Variants in KIF21A observed in about 807,000 individuals in gnomAD.
KIF21A encodes kinesin family member 21A.
In KIF21A, 114 loss-of-function variants were observed where a neutral mutation model predicts 202.9. The observed-to-expected ratio is 0.56, with a 90% CI of 0.48 to 0.66. The LOEUF is 0.66. KIF21A is among the 30% of genes least tolerant of loss of function. The probability of loss-of-function intolerance (pLI) is 0.00; values close to 1 mark genes in which losing one functional copy is unlikely to be tolerated. For synonymous variants in KIF21A, 667 were observed against 670.8 expected (o/e 0.99, Z 0.09); for missense variants, 1,677 against 1,994.9 (o/e 0.84, Z 3.04).
At chr12:39,323,868 T>A (rs1415181478) in intron 26 of KIF21A, among the ~76,000 whole-genome samples, 1 of 152,104 alleles carries the variant, frequency 6.6e-6, no homozygotes, top group Non-Finnish European at 1.5e-5. Context: ...CCCAGCACTT[T>A]GGGAGGCCGA....
chr12:39,335,872 G>C (rs1163662040), intron 17 of KIF21A, among the ~76,000 whole-genome samples: 1 of 152,140 alleles, frequency 6.6e-6, no homozygotes, highest in Non-Finnish European at 1.5e-5. Context: ...AACCAAAATA[G>C]GGGAGTCATC....
Position 39,311,505 on chromosome 12 carries a change from T to C in KIF21A, c.4008A>G (p.Pro1336=), listed in dbSNP as rs779657868. Residue 1336 remains proline (P), a synonymous_variant, in exon 32 of 38, where the codon CCA becomes CCG. Transcript: ENST00000361418. ...FPASKGIRAF[P]LQCIHIAEGH... is the part of the protein sequence containing the mutation. ...CTTCAGCTATGTGAATACACTGAAG[T>C]GGAAAAGCTCTGATTCCTTTTGAAG... is the stretch of plus-strand genomic sequence containing the variant. The C allele has an allele frequency of 6.2e-7, 1 of 1,613,176 alleles. No homozygotes were observed. The highest frequency in any genetic ancestry group is 8.5e-7 in the Non-Finnish European group (1 of 1,179,276).
chr12:39,370,283 G>GA, intron 1 of KIF21A, 22 bp from the exon 2 acceptor site: 5 of 1,540,326 alleles, frequency 3.2e-6, no homozygotes, highest in Non-Finnish European at 4.4e-6. Context: ...AATCAGAAAA[G>GA]AAAAAAATAA....
intron 7 of KIF21A, 74 bp from the exon 8 acceptor site, chr12:39,358,447 C>T (rs1592319675): frequency 3.7e-6 from 5 of 1,351,496 alleles, no homozygotes; most frequent in South Asian, 3.5e-5. Context: ...TTTTAAATTC[C>T]TAACATTTGA....
At chr12:39,377,737 T>G (rs1343564587) in intron 1 of KIF21A, among the ~76,000 whole-genome samples, 1 of 152,202 alleles carries the variant, frequency 6.6e-6, no homozygotes, top group African/African-American at 2.4e-5. Flanking sequence ...TTAAAGAGAT[T>G]ATTAATTGAG....
intron 1 of KIF21A, among the ~76,000 whole-genome samples, chr12:39,436,448 A>ATATATATATATATATTTT (rs1387332677): frequency 2.7e-4 from 26 of 95,750 alleles, no homozygotes; most frequent in South Asian, 3.9e-4. Context: ...ATATATATAT[A>ATATATATATATATATTTT]TTTTTTTTTT....
At chr12:39,441,096 T>C (rs1939508404) in intron 1 of KIF21A, among the ~76,000 whole-genome samples, 1 of 152,116 alleles carries the variant, frequency 6.6e-6, no homozygotes, top group African/African-American at 2.4e-5. Context: ...ATTCAACAAA[T>C]TGAATCTTTA....
Position 39,294,234 on chromosome 12 carries a change from C to A in KIF21A, c.*190G>T, listed in dbSNP as rs922697915. On this transcript the variant is annotated 3_prime_UTR_variant, in exon 38 of 38. Coordinates refer to ENST00000361418, the MANE Select transcript of KIF21A (RefSeq NM_001173464.2). Reference sequence around the variant, plus strand: ...GTAGGATATATATCTATTGGTTGATCTTAAAACTAAGCACACAGGATAGTA... The same window carrying A: ...GTAGGATATATATCTATTGGTTGATATTAAAACTAAGCACACAGGATAGTA... 2 of 554,820 alleles carry A rather than the reference C, an allele frequency of 3.6e-6. No individual in the cohort carries two copies. The highest frequency in any genetic ancestry group is 6.5e-6 in the Non-Finnish European group (2 of 306,700). The allele number at this position is 554,820 out of a possible 1,614,324, so 34.4% of individuals were successfully genotyped here. A position where few individuals can be genotyped will look rare whatever the true frequency, so the allele number is the denominator to read the frequency against.
rs113200009 is a variant in KIF21A at position 39,295,934 on chromosome 12, G to A, written c.4932-1417C>T. ...TGGCCAGCCTCGATCTCTTGACCTC[G>A]TGATCTGCCTGCCTCGGCCTCCCAA... On this transcript the variant is annotated intron_variant, in intron 37 of 37. Transcript: ENST00000361418. 2.6e-3 allele frequency among the ~76,000 whole-genome samples: 383 copies of A among 148,088 alleles called. 3 individuals are homozygous for A. The highest frequency in any genetic ancestry group is 8.7e-3 in the African/African-American group (348 of 40,016).
At chr12:39,365,882 C>A (rs1471370236) in intron 6 of KIF21A, among the ~76,000 whole-genome samples, 1 of 152,000 alleles carries the variant, frequency 6.6e-6, no homozygotes, top group East Asian at 1.9e-4. Context: ...TGGTGGCACT[C>A]GCCTGTGGTC....
Position 39,377,831 on chromosome 12 carries a change from A to G in KIF21A, c.45-7570T>C, listed in dbSNP as rs1248909617. On this transcript the variant is annotated intron_variant, in intron 1 of 37. Transcript: ENST00000361418. ...CTTTTATGAATGACAAAGATGAAGA[A>G]AAGAACCTGTTTTTAATCCATTAAT... Among the ~76,000 whole-genome samples, 3 of 152,330 alleles carry G rather than the reference A, an allele frequency of 2.0e-5. No homozygotes were observed. In the Middle Eastern group the frequency reaches 0.01, roughly 518 times the overall value.
intron 37 of KIF21A, among the ~76,000 whole-genome samples, chr12:39,298,112 C>T (rs765986593): frequency 6.6e-6 from 1 of 151,870 alleles, no homozygotes. Context: ...AAAGGCAGTG[C>T]GAGGCTGTGA....
chr12:39,353,283 C>T (rs930892508), intron 10 of KIF21A, among the ~76,000 whole-genome samples: 4 of 152,052 alleles, frequency 2.6e-5, no homozygotes, highest in Non-Finnish European at 5.9e-5. Flanking sequence ...CCTCAGCCTC[C>T]CAAAGTGTTG....
At chr12:39,384,857 G>A (rs1282017453) in intron 1 of KIF21A, among the ~76,000 whole-genome samples, 2 of 152,164 alleles carry the variant, frequency 1.3e-5, no homozygotes, top group Admixed American at 6.5e-5. Flanking sequence ...GTTCCTTGCA[G>A]TTCTGGACTG....
chr12:39,319,346 G>A (rs1001876607), intron 28 of KIF21A, among the ~76,000 whole-genome samples: 3 of 152,078 alleles, frequency 2.0e-5, no homozygotes, highest in African/African-American at 7.2e-5. Flanking sequence ...CAGTTAAGTG[G>A]ATAATCAGAT....
Position 39,442,071 on chromosome 12 carries a change from A to T in KIF21A, c.44+856T>A, listed in dbSNP as rs1038656358. ...GATAAGTATCAAAACAGCCGAAATT[A>T]CATCGAATACTCGTGCCTGTCATTG... On this transcript the variant is annotated intron_variant, in intron 1 of 37. Transcript: ENST00000361418. This position sits in a 1 kb window ranked among gnomAD's most constrained non-coding sequence, Gnocchi z 5.0. 1.3e-5 allele frequency among the ~76,000 whole-genome samples: 2 copies of T among 152,216 alleles called. No individual in the cohort carries two copies. Among genetic ancestry groups the T allele is most frequent in the African/African-American group, 4.8e-5 (2 of 41,470 alleles).
At chr12:39,402,580 A>G (rs867430626) in intron 1 of KIF21A, among the ~76,000 whole-genome samples, 10 of 152,284 alleles carry the variant, frequency 6.6e-5, no homozygotes, top group Admixed American at 2.0e-4. Flanking sequence ...AAATAATAAA[A>G]TAAGAGGAGC....
intron 31 of KIF21A, among the ~76,000 whole-genome samples, chr12:39,314,271 G>A (rs1288394080): frequency 6.6e-6 from 1 of 151,670 alleles, no homozygotes; most frequent in Non-Finnish European, 1.5e-5. Flanking sequence ...GCATACATGT[G>A]TCAATTTGAG....
rs139521329 is a variant in KIF21A, at chr12:39,403,129, C to A, written c.45-32868G>T. 2.4e-3 allele frequency among the ~76,000 whole-genome samples: 361 copies of A among 152,138 alleles called. 9 individuals are homozygous for A. Among genetic ancestry groups the A allele is most frequent in the Non-Finnish European group, 2.4e-4 (16 of 68,006 alleles). ...AATACACATCAAAAACCTTCAAACACCCCTTGACAAAAAAAAACCTAACAG... is the reference window on the plus strand; with the variant it reads ...AATACACATCAAAAACCTTCAAACAACCCTTGACAAAAAAAAACCTAACAG... On this transcript the variant is annotated intron_variant, in intron 1 of 37. Coordinates refer to ENST00000361418, the MANE Select transcript of KIF21A (RefSeq NM_001173464.2).
Sources: allele counts gnomAD v4.1 joint callset (sites outside exome capture counted in the v4.1 genomes callset), GRCh38; gene constraint gnomAD v4.1.1; non-coding constraint Gnocchi (gnomAD v3.1); transcripts MANE v1.5; gene names NCBI Gene and HGNC (gene_info 2026-07-23, HGNC 2026-07-21).